The following LEPR variants were observed in gnomAD, a reference collection of about 807,000 sequenced individuals.
The protein encoded by LEPR is OB receptor.
LEPR carries 56 observed loss-of-function variants against 114.7 expected under a neutral mutation model. That is an observed-to-expected ratio of 0.49 (90% confidence interval 0.39 to 0.61). LEPR has a LOEUF of 0.61. LEPR is among the 20% of genes least tolerant of loss of function. LEPR has a pLI of 0.00. For synonymous variants in LEPR, 443 were observed against 461.4 expected, an observed-to-expected ratio of 0.96 and a Z score of 0.51; for missense variants, 1,202 against 1,352.9, an observed-to-expected ratio of 0.89 and a Z score of 1.75.
intron 2 of LEPR, among the ~76,000 whole-genome samples, chr1:65,549,990 T>G (rs948794162): frequency 6.6e-6 from 1 of 152,234 alleles, no homozygotes; most frequent in African/African-American, 2.4e-5. Flanking sequence ...GATTGGTTTT[T>G]GGTGTGGATG....
chr1:65,568,484 G>A (rs1434961950), intron 3 of LEPR, among the ~76,000 whole-genome samples: 1 of 143,766 alleles, frequency 7.0e-6, no homozygotes, highest in Non-Finnish European at 1.5e-5. Context: ...TGGCTGCATA[G>A]TATTCCATGG....
intron 10 of LEPR, among the ~76,000 whole-genome samples, chr1:65,602,645 T>TAAA (rs917985599): frequency 8.5e-5 from 13 of 152,214 alleles, no homozygotes; most frequent in Middle Eastern, 6.8e-3. Context: ...ATACTGCTGT[T>TAAA]AAACACTGTG....
At chr1:65,580,576 A>AT (rs1654913853) in intron 5 of LEPR, among the ~76,000 whole-genome samples, 1 of 152,146 alleles carries the variant, frequency 6.6e-6, no homozygotes, top group African/African-American at 2.4e-5. Context: ...CTGCTCTGAG[A>AT]TTTTCTCTTA....
At chr1:65,436,159 C>T (rs1470066043) in intron 2 of LEPR, among the ~76,000 whole-genome samples, 1 of 152,096 alleles carries the variant, frequency 6.6e-6, no homozygotes, top group Non-Finnish European at 1.5e-5. Context: ...CCTGTACTTG[C>T]TGTAGTTGAA....
intron 4 of LEPR, among the ~76,000 whole-genome samples, chr1:65,571,368 G>T (rs1220163942): frequency 6.6e-6 from 1 of 151,772 alleles, no homozygotes; most frequent in East Asian, 1.9e-4. Flanking sequence ...AAAAAGAAAA[G>T]AAAAAAATTC....
chr1:65,503,484 T>C (rs1207012402), intron 2 of LEPR, among the ~76,000 whole-genome samples: 1 of 152,090 alleles, frequency 6.6e-6, no homozygotes, highest in Non-Finnish European at 1.5e-5. Flanking sequence ...GGAAAAATAA[T>C]TGTATGTAAG....
chr1:65,475,643 C>T (rs1647149835), intron 2 of LEPR, among the ~76,000 whole-genome samples: 1 of 152,112 alleles, frequency 6.6e-6, no homozygotes, highest in Non-Finnish European at 1.5e-5. Context: ...GCTTGTGTTT[C>T]ATAACTGACA....
intron 19 of LEPR, among the ~76,000 whole-genome samples, chr1:65,627,687 C>T (rs1249896269): frequency 6.6e-6 from 1 of 151,978 alleles, no homozygotes; most frequent in African/African-American, 2.4e-5. Context: ...TTCATAATAG[C>T]CAAAATGTGA....
In LEPR at chr1:65,636,805, C is replaced by G; in HGVS notation, c.3288C>G (p.Asp1096Glu). 1.2e-6 allele frequency: 2 copies of G among 1,614,016 alleles called. No homozygotes were observed. Among genetic ancestry groups the G allele is most frequent in the South Asian group, 1.1e-5 (1 of 91,058 alleles). ...KKRESGVLLT[D>E]KSRVSCPFPA... ...GAGAGAGTGGTGTGCTTTTGACTGA[C>G]AAGTCAAGGGTATCGTGCCCATTCC... The change falls in exon 20 of 20, where the codon GAC becomes GAG. Residue 1096 changes from aspartate to glutamate, a missense_variant. Physicochemically the swap from Asp to Glu is conservative, Grantham distance 45. Coordinates refer to ENST00000349533, the MANE Select transcript of LEPR (RefSeq NM_002303.6).
At chr1:65,564,183 T>C (rs1293208093) in intron 2 of LEPR, among the ~76,000 whole-genome samples, 14 of 150,488 alleles carry the variant, frequency 9.3e-5, no homozygotes, top group Non-Finnish European at 1.8e-4. Flanking sequence ...GATCTCAGAC[T>C]GCTGTGCTAG....
rs1464361431 is a variant in LEPR, at chr1:65,444,047, G to A, written c.-21+18669G>A. Among the ~76,000 whole-genome samples the A allele has an allele frequency of 1.1e-4, 4 of 35,950 alleles. 1 individual carries two copies. The highest frequency in any genetic ancestry group is 3.5e-4 in the African/African-American group (4 of 11,422). 23.6% of individuals were successfully genotyped at this position (35,950 alleles called of 152,430 possible). A position where few individuals can be genotyped will look rare whatever the true frequency, so the allele number is the denominator to read the frequency against. The stretch of plus-strand genomic sequence containing the variant: ...ATGTATACATGTGCCATGCTGGTGC[G>A]CTGCACCCACTAATGTGTCATCTAG... On this transcript the variant is annotated intron_variant, in intron 2 of 19. Transcript: ENST00000349533.
At chr1:65,513,391 A>T (rs1340467056) in intron 2 of LEPR, among the ~76,000 whole-genome samples, 1 of 152,242 alleles carries the variant, frequency 6.6e-6, no homozygotes, top group South Asian at 2.1e-4. Flanking sequence ...TGTCACATTG[A>T]TATGATCAAA....
At chr1:65,449,517 C>G (rs1165657286) in intron 2 of LEPR, among the ~76,000 whole-genome samples, 2 of 151,960 alleles carry the variant, frequency 1.3e-5, no homozygotes, top group African/African-American at 4.8e-5. Context: ...TCAGAGGACT[C>G]GAACACCAGC....
intron 7 of LEPR, among the ~76,000 whole-genome samples, chr1:65,598,095 C>CTTTTTTTTTTTT (rs1226626771): frequency 0.013 from 1,277 of 101,322 alleles, 187 homozygotes; most frequent in African/African-American, 0.052. Flanking sequence ...CCTCCTGCCT[C>CTTTTTTTTTTTT]TTTTTTTTTT....
At chr1:65,480,341 G>A (rs1010989918) in intron 2 of LEPR, among the ~76,000 whole-genome samples, 61 of 152,144 alleles carry the variant, frequency 4.0e-4, no homozygotes, top group Admixed American at 1.3e-3. Flanking sequence ...TTAAGAAATA[G>A]TCTGGCATCC....
At chr1:65,494,843 A>G (rs1418248384) in intron 2 of LEPR, among the ~76,000 whole-genome samples, 2 of 152,132 alleles carry the variant, frequency 1.3e-5, no homozygotes, top group Non-Finnish European at 2.9e-5. Flanking sequence ...GTCTCTATCT[A>G]TCATGACCTG....
At chr1:65,547,017 G>A (rs1292561974) in intron 2 of LEPR, among the ~76,000 whole-genome samples, 1 of 152,110 alleles carries the variant, frequency 6.6e-6, no homozygotes, top group African/African-American at 2.4e-5. Context: ...TTAGCATGAA[G>A]GGTTGTTGAA....
chr1:65,519,095 C>T (rs553981762), intron 2 of LEPR, among the ~76,000 whole-genome samples: 2 of 140,372 alleles, frequency 1.4e-5, no homozygotes, highest in Non-Finnish European at 3.1e-5. Flanking sequence ...TCCTTCCATC[C>T]TCTGTGTCTC....
chr1:65,435,925 C>T (rs1056631785), intron 2 of LEPR: 13 of 984,908 alleles, frequency 1.3e-5, no homozygotes, highest in East Asian at 2.3e-4. Context: ...ATGCTACCAG[C>T]GTACAACAGT....
Sources: gnomAD v4.1 joint callset for allele counts (sites outside exome capture counted in the v4.1 genomes callset) on GRCh38, gnomAD v4.1.1 for gene constraint, MANE v1.5 for transcripts, NCBI Gene and HGNC (gene_info 2026-07-23, HGNC 2026-07-21) for gene names.